The following SLC8A1 variants were observed in gnomAD, a reference collection of about 807,000 sequenced individuals.
The protein encoded by SLC8A1 is sodium/calcium exchanger 1.
In SLC8A1, 18 loss-of-function variants were observed where a neutral mutation model predicts 68.3. The ratio of observed to expected loss-of-function variants is 0.26; its 90% CI spans 0.18 to 0.39. The LOEUF (loss-of-function observed/expected upper bound fraction) is 0.39. Among genes scored for constraint, SLC8A1 ranks in the 10% least tolerant of loss-of-function variants. The pLI, the probability that SLC8A1 is intolerant of heterozygous loss-of-function variation, is 1.00. For missense variants in SLC8A1, 985 were observed against 1,156.7 expected (o/e 0.85, Z 2.15); for synonymous variants, 475 against 415.5 (o/e 1.14, Z -1.74).
At chr2:40,318,871 T>A (rs1260299040) in intron 2 of SLC8A1, among the ~76,000 whole-genome samples, 1 of 152,114 alleles carries the variant, frequency 6.6e-6, no homozygotes, top group African/African-American at 2.4e-5. Context: ...GTTCTTTTTT[T>A]TCCCTCAACT....
intron 1 of SLC8A1, among the ~76,000 whole-genome samples, chr2:40,476,234 C>G (rs575472569): frequency 6.6e-6 from 1 of 152,150 alleles, no homozygotes; most frequent in African/African-American, 2.4e-5. Context: ...CAAAGGGGAG[C>G]CTATAGAAAC....
chr2:40,257,788 T>G (rs1014133212), intron 2 of SLC8A1, among the ~76,000 whole-genome samples: 2 of 152,232 alleles, frequency 1.3e-5, no homozygotes, highest in African/African-American at 4.8e-5. Flanking sequence ...AAATTTGACC[T>G]TCATGAAATT....
chr2:40,210,944 G>A (rs2056472193), intron 2 of SLC8A1, among the ~76,000 whole-genome samples: 2 of 152,192 alleles, frequency 1.3e-5, no homozygotes, highest in African/African-American at 4.8e-5. Context: ...GAAGATGAGG[G>A]ATAACTTACA....
chr2:40,462,529 CG>C (rs1424555321), intron 1 of SLC8A1, among the ~76,000 whole-genome samples: 4 of 150,576 alleles, frequency 2.7e-5, no homozygotes, highest in African/African-American at 9.8e-5. Flanking sequence ...TCAGAGCAGG[CG>C]GGGCATGGTG....
At chr2:40,152,737 A>T (rs1388222922) in intron 6 of SLC8A1, among the ~76,000 whole-genome samples, 3 of 152,018 alleles carry the variant, frequency 2.0e-5, no homozygotes, top group Non-Finnish European at 4.4e-5. Flanking sequence ...TTTGAATAAG[A>T]TGGGTCTACC....
intron 6 of SLC8A1, among the ~76,000 whole-genome samples, chr2:40,149,104 G>T (rs1428667966): frequency 1.3e-5 from 2 of 152,148 alleles, no homozygotes; most frequent in East Asian, 3.9e-4. Context: ...AAGTCTGTAG[G>T]TTTGAACTCT....
chr2:40,334,646 A>AT (rs1233912242), intron 2 of SLC8A1, among the ~76,000 whole-genome samples: 1 of 152,116 alleles, frequency 6.6e-6, no homozygotes, highest in Non-Finnish European at 1.5e-5. Flanking sequence ...TCCTGAAAAC[A>AT]TTTTTTTCAG....
intron 7 of SLC8A1, among the ~76,000 whole-genome samples, chr2:40,131,719 C>T (rs939275483): frequency 2.6e-5 from 4 of 152,216 alleles, no homozygotes; most frequent in African/African-American, 7.2e-5. Context: ...ACATGCCCTT[C>T]CTGGGCCCCA....
chr2:40,257,712 C>G lies in SLC8A1; in HGVS notation c.1809-79857G>C, dbSNP rs942498055. 4.6e-5 allele frequency among the ~76,000 whole-genome samples: 7 copies of G among 152,168 alleles called. No individual in the cohort carries two copies. In the East Asian group the frequency reaches 1.3e-3, roughly 29 times the overall value. On this transcript the variant is annotated intron_variant, in intron 2 of 7. Transcript: ENST00000406785. The stretch of plus-strand genomic sequence containing the variant: ...AATTTCCCAATCCAAACCCATAAAG[C>G]AAGTGATTTCTCTGCATGTTCCTCA...
At chr2:40,457,302 TA>T (rs1343533817) in intron 1 of SLC8A1, among the ~76,000 whole-genome samples, 3 of 152,212 alleles carry the variant, frequency 2.0e-5, no homozygotes, top group African/African-American at 7.2e-5. Context: ...AGTTGTTCCC[TA>T]CAATCCAGTT....
intron 2 of SLC8A1, among the ~76,000 whole-genome samples, chr2:40,351,658 C>T (rs928439708): frequency 6.6e-6 from 1 of 151,052 alleles, no homozygotes; most frequent in Admixed American, 6.6e-5. Flanking sequence ...AACTCACAAA[C>T]AACTTTTGGC....
At chr2:40,163,934 A>C (rs571206093) in intron 5 of SLC8A1, among the ~76,000 whole-genome samples, 1 of 152,366 alleles carries the variant, frequency 6.6e-6, no homozygotes, top group East Asian at 1.9e-4. Flanking sequence ...TGAAACTTCT[A>C]AATTGGTGGT....
At chr2:40,508,812 T>G (rs931054111) in intron 1 of SLC8A1, among the ~76,000 whole-genome samples, 2 of 152,198 alleles carry the variant, frequency 1.3e-5, no homozygotes, top group African/African-American at 4.8e-5. Context: ...TGGCAACCAC[T>G]TTTCTTTAAT....
chr2:40,334,064 A>T (rs1046489439), intron 2 of SLC8A1, among the ~76,000 whole-genome samples: 1 of 152,188 alleles, frequency 6.6e-6, no homozygotes, highest in Non-Finnish European at 1.5e-5. Context: ...AACAACAACA[A>T]AAAAACAATC....
At chr2:40,218,552 C>G (rs1185233514) in intron 2 of SLC8A1, among the ~76,000 whole-genome samples, 2 of 151,956 alleles carry the variant, frequency 1.3e-5, no homozygotes, top group African/African-American at 4.8e-5. Flanking sequence ...ATGGCAAAAT[C>G]TGCAATTAAT....
intron 2 of SLC8A1, among the ~76,000 whole-genome samples, chr2:40,216,202 G>A (rs1262666746): frequency 6.6e-6 from 1 of 151,842 alleles, no homozygotes; most frequent in Non-Finnish European, 1.5e-5. Context: ...CCCCCTCCCT[G>A]TGTCCATGTG....
intron 2 of SLC8A1, among the ~76,000 whole-genome samples, chr2:40,340,015 T>C (rs80144733): frequency 1.3e-5 from 2 of 152,204 alleles, no homozygotes; most frequent in African/African-American, 4.8e-5. Flanking sequence ...CCACTGACTA[T>C]AAGTAGTCAT....
intron 2 of SLC8A1, among the ~76,000 whole-genome samples, chr2:40,243,353 G>A (rs1047897317): frequency 2.0e-5 from 3 of 152,062 alleles, no homozygotes; most frequent in South Asian, 4.1e-4. Flanking sequence ...ACTGGGCATG[G>A]TAGTGTCTGC....
chr2:40,456,112 C>T (rs555885633), upstream of SLC8A1, among the ~76,000 whole-genome samples: 25 of 152,078 alleles, frequency 1.6e-4, no homozygotes, highest in African/African-American at 5.3e-4. Context: ...GTCAGGAGAT[C>T]GAGACCATCC....
Sources: gnomAD v4.1 joint callset for allele counts (sites outside exome capture counted in the v4.1 genomes callset) on GRCh38, gnomAD v4.1.1 for gene constraint, MANE v1.5 for transcripts, NCBI Gene and HGNC (gene_info 2026-07-23, HGNC 2026-07-21) for gene names.